The following DMD variants were observed in gnomAD, a reference collection of about 807,000 sequenced individuals.
DMD encodes dystrophin.
A neutral mutation model predicts 330.1 loss-of-function variants in DMD; 63 were observed. That is an observed-to-expected ratio of 0.19 (90% CI 0.16 to 0.24). DMD has a LOEUF of 0.24. DMD is among the 10% of genes least tolerant of loss of function. The pLI is 1.00. For missense variants in DMD, 3,344 were observed against 2,684.1 expected (o/e 1.25, Z -5.43); for synonymous variants, 1,223 against 959.8 (o/e 1.27, Z -5.07).
At chrX:31,445,094 A>C (rs1290852122) in intron 59 of DMD, among the ~76,000 whole-genome samples, 3 of 112,060 alleles carry the variant, frequency 2.7e-5, no homozygotes, top group Non-Finnish European at 5.6e-5. Context: ...GCTGGAACAG[A>C]CTAAGACAGT....
chrX:32,654,342 T>C (rs1305539794), intron 9 of DMD, among the ~76,000 whole-genome samples: 2 of 111,834 alleles, frequency 1.8e-5, no homozygotes, highest in African/African-American at 6.5e-5. Context: ...CCTAATTTAT[T>C]GAGAGTTTTT....
intron 30 of DMD, among the ~76,000 whole-genome samples, chrX:32,405,169 TAA>T (rs1307201325): frequency 8.9e-6 from 1 of 111,786 alleles, no homozygotes; most frequent in Admixed American, 9.5e-5. Context: ...TTAGAATGAA[TAA>T]AAAAGTTTCC....
At chrX:31,284,603 T>C (rs867266619) in intron 62 of DMD, among the ~76,000 whole-genome samples, 2 of 95,867 alleles carry the variant, frequency 2.1e-5, no homozygotes, top group African/African-American at 3.9e-5. Context: ...CTTCTTCTTC[T>C]TCTTTTTTTT....
At chrX:32,823,435 T>A in intron 4 of DMD, 48 bp from the exon 5 acceptor site, 1 of 815,920 alleles carries the variant, frequency 1.2e-6, no homozygotes. Flanking sequence ...ACCAAATGCC[T>A]AGTTGCAATA....
intron 6 of DMD, among the ~76,000 whole-genome samples, chrX:32,816,108 G>T (rs1189169043): frequency 2.7e-5 from 3 of 110,933 alleles, no homozygotes; most frequent in Non-Finnish European, 5.7e-5. Flanking sequence ...GTATAGTTTA[G>T]GCTTATACAA....
At chrX:32,399,672 G>C (rs149830773) in intron 30 of DMD, among the ~76,000 whole-genome samples, 8 of 111,097 alleles carry the variant, frequency 7.2e-5, no homozygotes, top group Non-Finnish European at 1.5e-4. Context: ...AACAAGTTTT[G>C]AGATTCCTCA....
chrX:31,154,585 T>C (rs1418543408), intron 74 of DMD, among the ~76,000 whole-genome samples: 2 of 111,100 alleles, frequency 1.8e-5, no homozygotes, highest in African/African-American at 6.6e-5. Context: ...TGAGCCAACA[T>C]GCCCAGCCTC....
rs534257044 is a variant in DMD at position 31,397,677 on chromosome X, G to A, written c.9084+46804C>T. Among the ~76,000 whole-genome samples the A allele has an allele frequency of 3.4e-4, 38 of 112,607 alleles. No homozygotes were observed. The South Asian group carries it at 0.014, about 42-fold the overall frequency. ...TAGCTATCTGCAACGATATGGGATG[G>A]AGAGAAAGCGAACAGGAGGACCGTT... On this transcript the variant is annotated intron_variant, in intron 60 of 78. Transcript: ENST00000357033.
intron 1 of DMD, among the ~76,000 whole-genome samples, chrX:33,131,333 A>T (rs2041272973): frequency 9.0e-6 from 1 of 111,528 alleles, no homozygotes; most frequent in Non-Finnish European, 1.9e-5. Context: ...ACTGCACTTC[A>T]TATCAATGAA....
chrX:31,524,251 G>A (rs1436780592), intron 55 of DMD, among the ~76,000 whole-genome samples: 2 of 111,813 alleles, frequency 1.8e-5, no homozygotes, highest in Non-Finnish European at 3.8e-5. Context: ...AGTCAATGAA[G>A]ATTTTCTGTT....
In DMD at chrX:32,386,358, A is replaced by G. The variant is rs758179721; in HGVS notation, c.4626T>C (p.Asp1542=). The change falls in exon 33 of 79, where the codon GAT becomes GAC. Residue 1542 remains aspartate, a synonymous_variant. Transcript: ENST00000357033. ...KKQTENPKEL[D]ERVTALKLHY... ...GCAATTTCAAAGCTGTTACTCTTTCATCAAGTTCTTTGGGATTTTCCGTCT... is the reference window on the plus strand; with the variant it reads ...GCAATTTCAAAGCTGTTACTCTTTCGTCAAGTTCTTTGGGATTTTCCGTCT... The G allele has an allele frequency of 8.3e-7, 1 of 1,207,649 alleles. No individual in the cohort carries two copies. The highest frequency in any genetic ancestry group is 1.8e-5 in the South Asian group (1 of 56,786).
intron 41 of DMD, among the ~76,000 whole-genome samples, chrX:32,323,359 G>C (rs754112424): frequency 9.0e-5 from 10 of 111,001 alleles, no homozygotes; most frequent in Non-Finnish European, 1.9e-4. Context: ...AAAACAATGA[G>C]AAATAAACGG....
At chrX:32,176,503 T>C (rs142440245) in intron 44 of DMD, among the ~76,000 whole-genome samples, 9 of 112,319 alleles carry the variant, frequency 8.0e-5, no homozygotes, top group African/African-American at 2.6e-4. Flanking sequence ...ATCAGATAAT[T>C]ATACCACTTG....
chrX:32,372,691 CTGAT>C (rs2097884158), intron 34 of DMD, among the ~76,000 whole-genome samples: 1 of 111,132 alleles, frequency 9.0e-6, no homozygotes, highest in African/African-American at 3.3e-5. Context: ...TAATACTACT[CTGAT>C]TGAAGGGTGA....
intron 44 of DMD, among the ~76,000 whole-genome samples, chrX:32,211,884 T>C (rs765572602): frequency 2.7e-5 from 3 of 112,351 alleles, no homozygotes; most frequent in Non-Finnish European, 5.6e-5. Flanking sequence ...TGTTATTGTT[T>C]CTACTGGCAA....
At chrX:32,458,794 T>C (rs1240826352) in intron 25 of DMD, among the ~76,000 whole-genome samples, 3 of 111,866 alleles carry the variant, frequency 2.7e-5, no homozygotes, top group Non-Finnish European at 5.7e-5. Context: ...ACGTATTCTT[T>C]AGAGAAATGA....
intron 50 of DMD, among the ~76,000 whole-genome samples, chrX:31,815,248 G>A (rs1370760883): frequency 1.8e-5 from 2 of 111,743 alleles, no homozygotes; most frequent in Non-Finnish European, 3.8e-5. Flanking sequence ...TCAGGAGTTC[G>A]AGACCAGCCT....
At chrX:31,863,850 T>C (rs1171079461) in intron 48 of DMD, among the ~76,000 whole-genome samples, 1 of 111,472 alleles carries the variant, frequency 9.0e-6, no homozygotes. Flanking sequence ...CTTTATAGCA[T>C]AAATATGTAT....
At chrX:32,744,111 G>A (rs1416775645) in intron 7 of DMD, among the ~76,000 whole-genome samples, 1 of 110,143 alleles carries the variant, frequency 9.1e-6, no homozygotes, top group Non-Finnish European at 1.9e-5. Flanking sequence ...GCACACTCAG[G>A]GCTTTTCAGT....
Sources: allele counts gnomAD v4.1 joint callset (sites outside exome capture counted in the v4.1 genomes callset), GRCh38; gene constraint gnomAD v4.1.1; transcripts MANE v1.5; gene names NCBI Gene and HGNC (gene_info 2026-07-23, HGNC 2026-07-21).